Variants in SLC8A1 observed in about 807,000 individuals in gnomAD.
SLC8A1 encodes the protein solute carrier family 8 member A1.
SLC8A1 carries 18 observed loss-of-function variants against 68.3 expected under a neutral mutation model. The ratio of observed to expected loss-of-function variants is 0.26; its 90% CI spans 0.18 to 0.39. SLC8A1 has a LOEUF of 0.39. Among genes scored for constraint, SLC8A1 ranks in the 10% least tolerant of loss-of-function variants. The pLI, the probability that SLC8A1 is intolerant of heterozygous loss-of-function variation, is 1.00. For synonymous variants in SLC8A1, 475 were observed against 415.5 expected, an observed-to-expected ratio of 1.14 and a Z score of -1.74; for missense variants, 985 against 1,156.7, an observed-to-expected ratio of 0.85 and a Z score of 2.15.
At chr2:40,430,428 A>G in intron 1 of SLC8A1, 124 bp from the exon 2 acceptor site, 2 of 990,756 alleles carry the variant, frequency 2.0e-6, no homozygotes, top group Non-Finnish European at 1.4e-6. Flanking sequence ...TGACCATCAC[A>G]AAACCGAAAT....
At chr2:40,431,811 TG>T (rs1271865143) in intron 1 of SLC8A1, among the ~76,000 whole-genome samples, 1 of 152,182 alleles carries the variant, frequency 6.6e-6, no homozygotes, top group Non-Finnish European at 1.5e-5. Context: ...TTGCTGCTGA[TG>T]GCTTATACTG....
intron 4 of SLC8A1, 52 bp from the exon 7 acceptor site, chr2:40,170,401 T>A: frequency 1.3e-6 from 2 of 1,484,638 alleles, no homozygotes; most frequent in Non-Finnish European, 1.9e-6. Flanking sequence ...ATTGATTTGC[T>A]ATCAGAGCTT....
chr2:40,177,687 A>T, intron 3 of SLC8A1: 2 of 956,484 alleles, frequency 2.1e-6, no homozygotes, highest in Non-Finnish European at 3.3e-6. Flanking sequence ...TAAGTGTGAG[A>T]GTAGGGAGAC....
At chr2:40,114,935 C>T (rs1384615601) in exon 8 of SLC8A1, 7 of 169,286 alleles carry the variant, frequency 4.1e-5, no homozygotes, top group Middle Eastern at 2.6e-3. Flanking sequence ...CATTAACTAC[C>T]TCCCCAGCTC....
chr2:40,178,861 C>A (rs561210094), intron 2 of SLC8A1, among the ~76,000 whole-genome samples: 1 of 152,056 alleles, frequency 6.6e-6, no homozygotes, highest in Admixed American at 6.5e-5. Flanking sequence ...TAAGCTATGC[C>A]CTGGAACTCA....
intron 1 of SLC8A1, among the ~76,000 whole-genome samples, chr2:40,486,482 C>T (rs1704974173): frequency 6.6e-6 from 1 of 152,146 alleles, no homozygotes. Flanking sequence ...ACAATTCTGC[C>T]ATTAGGCAAT....
chr2:40,400,910 C>T (rs1688535922), intron 2 of SLC8A1, among the ~76,000 whole-genome samples: 1 of 152,032 alleles, frequency 6.6e-6, no homozygotes, highest in Admixed American at 6.6e-5. Context: ...GCAGTAAACT[C>T]AGTGGGAAAA....
intron 1 of SLC8A1, among the ~76,000 whole-genome samples, chr2:40,477,637 T>C (rs1452238443): frequency 1.3e-5 from 2 of 152,216 alleles, no homozygotes; most frequent in Non-Finnish European, 2.9e-5. Context: ...CTCCACTTTG[T>C]ACACGTAAGC....
rs562298035 is a variant in SLC8A1 at position 40,132,916 on chromosome 2, C to T, written c.2437+6485G>A. On this transcript the variant is annotated intron_variant, in intron 7 of 7. Coordinates refer to ENST00000406785, the Ensembl canonical transcript of SLC8A1. The stretch of plus-strand genomic sequence containing the variant: ...TGTTCCTTCTCTGCTCAAAACTTTT[C>T]CCATTTATTCTCATTTTCTGGTGTT... 3.9e-5 allele frequency among the ~76,000 whole-genome samples: 6 copies of T among 152,252 alleles called. No homozygotes were observed. The South Asian group carries it at 1.0e-3, about 26-fold the overall frequency.
chr2:40,398,331 C>T (rs147335481), intron 2 of SLC8A1, among the ~76,000 whole-genome samples: 31 of 152,156 alleles, frequency 2.0e-4, no homozygotes, highest in South Asian at 4.1e-4. Context: ...GTTACTAACG[C>T]GTGTATCATA....
At chr2:40,152,342 C>G (rs1302839476) in intron 6 of SLC8A1, among the ~76,000 whole-genome samples, 1 of 152,112 alleles carries the variant, frequency 6.6e-6, no homozygotes, top group East Asian at 1.9e-4. Flanking sequence ...AGTAAAACAA[C>G]AGATAAATAG....
chr2:40,466,387 A>T (rs746730836), intron 1 of SLC8A1, among the ~76,000 whole-genome samples: 1 of 152,238 alleles, frequency 6.6e-6, no homozygotes, highest in Non-Finnish European at 1.5e-5. Flanking sequence ...AAGAAGCTTC[A>T]CAGGGGCTAC....
intron 2 of SLC8A1, among the ~76,000 whole-genome samples, chr2:40,237,061 G>A (rs1385186441): frequency 1.3e-5 from 2 of 151,462 alleles, no homozygotes; most frequent in East Asian, 1.9e-4. Flanking sequence ...TTCAACTTTG[G>A]TGAATCTGAC....
At chr2:40,423,271 T>C (rs1281082486) in intron 2 of SLC8A1, among the ~76,000 whole-genome samples, 5 of 152,122 alleles carry the variant, frequency 3.3e-5, no homozygotes, top group African/African-American at 1.2e-4. Context: ...ATTATGCTTT[T>C]GTCCTCCAAA....
intron 2 of SLC8A1, among the ~76,000 whole-genome samples, chr2:40,180,329 T>C (rs1263815814): frequency 6.6e-6 from 1 of 152,196 alleles, no homozygotes; most frequent in African/African-American, 2.4e-5. Context: ...CACAGGAGGA[T>C]GGATGTAAGG....
chr2:40,452,724 G>A (rs1023990908), upstream of SLC8A1, among the ~76,000 whole-genome samples: 6 of 149,406 alleles, frequency 4.0e-5, no homozygotes, highest in African/African-American at 1.2e-4. Flanking sequence ...ACAACTATAC[G>A]TTGGCTACTA....
At chr2:40,249,559 C>A (rs557230788) in intron 2 of SLC8A1, among the ~76,000 whole-genome samples, 11 of 152,158 alleles carry the variant, frequency 7.2e-5, no homozygotes, top group Non-Finnish European at 1.5e-4. Flanking sequence ...TCTCTTCTCC[C>A]AATTCACACC....
At chr2:40,168,203 G>C (rs1273109270) in intron 4 of SLC8A1, among the ~76,000 whole-genome samples, 1 of 152,178 alleles carries the variant, frequency 6.6e-6, no homozygotes. Context: ...ACCAGGGTTG[G>C]GGAACAACTC....
At chr2:40,200,953 A>C (rs1359578925) in intron 2 of SLC8A1, among the ~76,000 whole-genome samples, 5 of 151,772 alleles carry the variant, frequency 3.3e-5, no homozygotes, top group Non-Finnish European at 7.4e-5. Flanking sequence ...AAGAATGCTA[A>C]CATTTCTTTA....
Sources: allele counts gnomAD v4.1 joint callset (sites outside exome capture counted in the v4.1 genomes callset), GRCh38; gene constraint gnomAD v4.1.1; transcripts MANE v1.5; gene names NCBI Gene and HGNC (gene_info 2026-07-23, HGNC 2026-07-21).